The following CADM2 variants were observed in gnomAD, a reference collection of about 807,000 sequenced individuals.
CADM2 encodes the protein cell adhesion molecule 2.
A neutral mutation model predicts 49.8 loss-of-function variants in CADM2; 12 were observed. The ratio of observed to expected loss-of-function variants is 0.24; its 90% CI spans 0.15 to 0.39. The LOEUF is 0.39. Among genes scored for constraint, CADM2 ranks in the 10% least tolerant of loss-of-function variants. The pLI is 1.00. For missense variants in CADM2, 378 were observed against 492.3 expected, an observed-to-expected ratio of 0.77 and a Z score of 2.20; for synonymous variants, 214 against 175.4, an observed-to-expected ratio of 1.22 and a Z score of -1.74.
intron 1 of CADM2, among the ~76,000 whole-genome samples, chr3:84,994,344 C>T (rs1165208079): frequency 6.6e-6 from 1 of 152,064 alleles, no homozygotes; most frequent in Non-Finnish European, 1.5e-5. Context: ...GTTTAATTAG[C>T]TATGGTTTTT....
chr3:86,051,750 C>T (rs145635350), intron 8 of CADM2, among the ~76,000 whole-genome samples: 26 of 152,062 alleles, frequency 1.7e-4, no homozygotes, highest in Middle Eastern at 3.4e-3. Flanking sequence ...AAGAGAGAGC[C>T]GAGGGAGGTG....
chr3:85,032,190 GA>G (rs1267177590), intron 1 of CADM2, among the ~76,000 whole-genome samples: 5 of 149,588 alleles, frequency 3.3e-5, no homozygotes, highest in South Asian at 4.2e-4. Flanking sequence ...TCACTTTCTA[GA>G]AGGTTTGGTA....
rs185393849 is a variant in CADM2, at chr3:85,444,857, T to C, written c.62-281665T>C. Among the ~76,000 whole-genome samples, 5 of 152,274 alleles carry C rather than the reference T, an allele frequency of 3.3e-5. No homozygotes were observed. In the East Asian group the frequency reaches 7.7e-4, roughly 24 times the overall value. On this transcript the variant is annotated intron_variant, in intron 1 of 9. Transcript: ENST00000383699. The stretch of plus-strand genomic sequence containing the variant: ...TAATATAAGGCATTGAGGAAGAAAA[T>C]ATACACTGTCTCTGTCCAGTGGGAG...
intron 1 of CADM2, among the ~76,000 whole-genome samples, chr3:85,152,258 C>G (rs2039945924): frequency 6.6e-6 from 1 of 152,152 alleles, no homozygotes; most frequent in Admixed American, 6.5e-5. Flanking sequence ...ATATTCATAT[C>G]CTTAACTACA....
chr3:85,539,837 G>T (rs919153580), intron 1 of CADM2, among the ~76,000 whole-genome samples: 2 of 152,064 alleles, frequency 1.3e-5, no homozygotes, highest in Non-Finnish European at 1.5e-5. Flanking sequence ...CAGTGGTGTC[G>T]TTGGATAAAA....
chr3:85,568,396 C>CT (rs2062333736), intron 1 of CADM2, among the ~76,000 whole-genome samples: 2 of 102,562 alleles, frequency 2.0e-5, no homozygotes, highest in Non-Finnish European at 4.4e-5. Context: ...TTCCTTCCTC[C>CT]CTCTTTCTTT....
intron 1 of CADM2, among the ~76,000 whole-genome samples, chr3:85,635,298 A>C (rs1471214395): frequency 6.6e-6 from 1 of 152,112 alleles, no homozygotes; most frequent in African/African-American, 2.4e-5. Context: ...CTTTTTCCAA[A>C]TTTTTGACAC....
intron 1 of CADM2, among the ~76,000 whole-genome samples, chr3:85,675,696 T>C (rs954051825): frequency 6.6e-6 from 1 of 152,114 alleles, no homozygotes; most frequent in Admixed American, 6.6e-5. Context: ...CAAATCAGAG[T>C]GCCTTTTTAG....
At chr3:85,864,092 C>T (rs938604761) in intron 3 of CADM2, among the ~76,000 whole-genome samples, 1 of 152,146 alleles carries the variant, frequency 6.6e-6, no homozygotes, top group African/African-American at 2.4e-5. Context: ...TGGGAATGAT[C>T]ATCTGCATGA....
At chr3:85,801,930 G>A (rs780453911) in intron 2 of CADM2, 117 bp from the exon 3 acceptor site, 37 of 782,126 alleles carry the variant, frequency 4.7e-5, no homozygotes, top group East Asian at 8.1e-5. Context: ...CAGTTTTGTC[G>A]TTGTTTGGTT....
chr3:85,624,577 C>T (rs1321238756), intron 1 of CADM2, among the ~76,000 whole-genome samples: 1 of 152,068 alleles, frequency 6.6e-6, no homozygotes, highest in South Asian at 2.1e-4. Context: ...GTCATCCACC[C>T]GCCTTGACCT....
chr3:85,654,489 G>A (rs1338894572), intron 1 of CADM2, among the ~76,000 whole-genome samples: 2 of 152,176 alleles, frequency 1.3e-5, no homozygotes, highest in Non-Finnish European at 2.9e-5. Context: ...CAGAAGTTTT[G>A]TGAGTGTGCC....
chr3:85,942,831 G>A (rs1258749290), intron 7 of CADM2, among the ~76,000 whole-genome samples: 11 of 152,046 alleles, frequency 7.2e-5, no homozygotes, highest in Admixed American at 4.6e-4. Flanking sequence ...ATAATTTATA[G>A]TCCTTTGGGT....
chr3:84,980,007 A>C (rs1435783429), intron 1 of CADM2, among the ~76,000 whole-genome samples: 3 of 152,206 alleles, frequency 2.0e-5, no homozygotes, highest in African/African-American at 7.2e-5. Flanking sequence ...AATACCTATT[A>C]TTTCCTTTGT....
At chr3:85,675,233 G>C (rs1441832560) in intron 1 of CADM2, among the ~76,000 whole-genome samples, 4 of 151,940 alleles carry the variant, frequency 2.6e-5, no homozygotes, top group Non-Finnish European at 5.9e-5. Context: ...AAATCTGAAG[G>C]CTCCAAGTTT....
chr3:85,637,005 T>G (rs1340932366), intron 1 of CADM2, among the ~76,000 whole-genome samples: 1 of 152,194 alleles, frequency 6.6e-6, no homozygotes. Flanking sequence ...ATACCTATTA[T>G]ATCCCATTAT....
intron 3 of CADM2, among the ~76,000 whole-genome samples, chr3:85,809,405 A>C (rs1003682935): frequency 6.6e-6 from 1 of 152,076 alleles, no homozygotes; most frequent in Non-Finnish European, 1.5e-5. Flanking sequence ...AGCCTGGCCA[A>C]CATGGTGAAA....
chr3:85,938,397 T>G (rs2108545304), intron 7 of CADM2, among the ~76,000 whole-genome samples: 1 of 151,964 alleles, frequency 6.6e-6, no homozygotes, highest in Non-Finnish European at 1.5e-5. Context: ...AGTAGGGAAG[T>G]GAAGACAGCC....
intron 5 of CADM2, among the ~76,000 whole-genome samples, chr3:85,900,139 G>T (rs897365181): frequency 3.9e-5 from 6 of 152,108 alleles, no homozygotes; most frequent in African/African-American, 1.2e-4. Flanking sequence ...ATCTCTAAGA[G>T]ATCATTTTTC....
Sources: allele counts gnomAD v4.1 joint callset (sites outside exome capture counted in the v4.1 genomes callset), GRCh38; gene constraint gnomAD v4.1.1; transcripts MANE v1.5; gene names NCBI Gene and HGNC (gene_info 2026-07-23, HGNC 2026-07-21).